The following LSAMP variants were observed in gnomAD, a reference collection of about 807,000 sequenced individuals.
The protein encoded by LSAMP is limbic system-associated membrane protein.
In LSAMP, 7 loss-of-function variants were observed where a neutral mutation model predicts 38.6. The observed-to-expected ratio is 0.18, with a 90% CI of 0.10 to 0.34. The LOEUF (loss-of-function observed/expected upper bound fraction) is 0.34. Ranked by LOEUF, LSAMP falls within the 10% of genes least tolerant of loss-of-function variation. The pLI, the probability that LSAMP is intolerant of heterozygous loss-of-function variation, is 1.00. For missense variants in LSAMP, 313 were observed against 420.0 expected, an observed-to-expected ratio of 0.75 and a Z score of 2.23; for synonymous variants, 154 against 166.8, an observed-to-expected ratio of 0.92 and a Z score of 0.59.
At chr3:115,838,673 T>C (rs979767005) in intron 6 of LSAMP, among the ~76,000 whole-genome samples, 1 of 152,202 alleles carries the variant, frequency 6.6e-6, no homozygotes, top group Non-Finnish European at 1.5e-5. Flanking sequence ...GAGAACTAGA[T>C]GAATGAGAAA....
intron 1 of LSAMP, among the ~76,000 whole-genome samples, chr3:116,297,181 G>C (rs1044456049): frequency 3.3e-5 from 5 of 152,152 alleles, no homozygotes; most frequent in African/African-American, 1.2e-4. Flanking sequence ...TTGAAAACAG[G>C]TGAAAGAGAG....
At chr3:116,091,362 A>C (rs1281963416) in intron 1 of LSAMP, among the ~76,000 whole-genome samples, 1 of 152,136 alleles carries the variant, frequency 6.6e-6, no homozygotes, top group East Asian at 1.9e-4. Context: ...CAGTTAATGC[A>C]ATTATTACAG....
chr3:116,189,914 A>G (rs1710712330), intron 1 of LSAMP, among the ~76,000 whole-genome samples: 1 of 152,196 alleles, frequency 6.6e-6, no homozygotes, highest in South Asian at 2.1e-4. Flanking sequence ...AACAAGCACG[A>G]GAGATTCAAA....
intron 3 of LSAMP, among the ~76,000 whole-genome samples, chr3:115,864,150 T>C (rs1244373821): frequency 6.6e-6 from 1 of 152,148 alleles, no homozygotes; most frequent in African/African-American, 2.4e-5. Flanking sequence ...AGAAGCACTT[T>C]GCCCATGATT....
At chr3:116,144,979 C>T (rs1709457106) in intron 1 of LSAMP, among the ~76,000 whole-genome samples, 1 of 151,820 alleles carries the variant, frequency 6.6e-6, no homozygotes, top group East Asian at 1.9e-4. Context: ...GTCTTCTGGT[C>T]TATATTGTTG....
chr3:116,429,652 A>G (rs1417289860), intron 1 of LSAMP, among the ~76,000 whole-genome samples: 3 of 152,198 alleles, frequency 2.0e-5, no homozygotes, highest in African/African-American at 7.2e-5. Flanking sequence ...TGTGGGAATC[A>G]GTAGAGAGAA....
chr3:116,002,605 G>C (rs944010355), intron 3 of LSAMP, among the ~76,000 whole-genome samples: 8 of 152,166 alleles, frequency 5.3e-5, no homozygotes, highest in Non-Finnish European at 7.3e-5. Context: ...TTAAGGTTAT[G>C]AGAGAGATAC....
At chr3:116,289,931 T>C (rs77597958) in intron 1 of LSAMP, among the ~76,000 whole-genome samples, 3,769 of 152,344 alleles carry the variant, frequency 0.025, 71 homozygotes, top group Middle Eastern at 0.051. Flanking sequence ...AAAGCAGCTG[T>C]ATGAACTAGT....
At chr3:116,428,043 C>T (rs1164486449) in intron 1 of LSAMP, among the ~76,000 whole-genome samples, 1 of 152,076 alleles carries the variant, frequency 6.6e-6, no homozygotes, top group African/African-American at 2.4e-5. Flanking sequence ...TGTATTTGTT[C>T]CCCATCTTTG....
rs80339282 is a variant in LSAMP, at chr3:116,211,782, G to C, written c.156-125226C>G. Among the ~76,000 whole-genome samples, 200 of 152,328 alleles carry C rather than the reference G, an allele frequency of 1.3e-3. 9 individuals are homozygous for C. In the East Asian group the frequency reaches 0.032, roughly 25 times the overall value. On this transcript the variant is annotated intron_variant, in intron 1 of 6. Transcript: ENST00000490035. ...AACAATGAAAAGTAATTTTGGGCCAGAATTTATCATCACAAAGGAAGAAAC... is the reference window on the plus strand; with the variant it reads ...AACAATGAAAAGTAATTTTGGGCCACAATTTATCATCACAAAGGAAGAAAC...
Position 116,317,225 on chromosome 3 carries a change from C to T in LSAMP, c.155+127652G>A, listed in dbSNP as rs373283415. Among the ~76,000 whole-genome samples, 14 of 152,232 alleles carry T rather than the reference C, an allele frequency of 9.2e-5. No homozygotes were observed. The East Asian group carries it at 1.7e-3, about 19-fold the overall frequency. On this transcript the variant is annotated intron_variant, in intron 1 of 6. Coordinates refer to ENST00000490035, the MANE Select transcript of LSAMP (RefSeq NM_002338.5). The stretch of plus-strand genomic sequence containing the variant: ...CTTGCTGCTGCTCACTGTCTAGGTT[C>T]GTGCCATCTTTAAGAGCTGTAACAC...
chr3:116,262,099 C>T (rs2046833990), intron 1 of LSAMP, among the ~76,000 whole-genome samples: 1 of 151,946 alleles, frequency 6.6e-6, no homozygotes, highest in South Asian at 2.1e-4. Flanking sequence ...ATTTTTCCAA[C>T]CCAAATTTGG....
At chr3:116,284,134 A>G (rs975520193) in intron 1 of LSAMP, among the ~76,000 whole-genome samples, 1 of 152,192 alleles carries the variant, frequency 6.6e-6, no homozygotes, top group Non-Finnish European at 1.5e-5. Flanking sequence ...TTCATAGTTT[A>G]TGACTTCTAA....
At chr3:116,090,922 G>A (rs535747424) in intron 1 of LSAMP, among the ~76,000 whole-genome samples, 5 of 152,224 alleles carry the variant, frequency 3.3e-5, no homozygotes, top group South Asian at 2.1e-4. Context: ...ATGAAGTTTC[G>A]GGCACCATTG....
chr3:116,191,526 G>A (rs1245222158), intron 1 of LSAMP, among the ~76,000 whole-genome samples: 1 of 152,042 alleles, frequency 6.6e-6, no homozygotes, highest in African/African-American at 2.4e-5. Context: ...AACCTTTCAG[G>A]GCATGAGACA....
At chr3:115,891,164 T>C (rs1936589321) in intron 3 of LSAMP, among the ~76,000 whole-genome samples, 1 of 151,990 alleles carries the variant, frequency 6.6e-6, no homozygotes, top group African/African-American at 2.4e-5. Flanking sequence ...CTCATTGTTG[T>C]GACATAATGT....
intron 1 of LSAMP, among the ~76,000 whole-genome samples, chr3:116,299,547 A>AAATT (rs1404685858): frequency 6.6e-6 from 1 of 152,218 alleles, no homozygotes; most frequent in Non-Finnish European, 1.5e-5. Context: ...ATACAAATAT[A>AAATT]AATTAGGCTT....
intron 1 of LSAMP, among the ~76,000 whole-genome samples, chr3:116,440,784 G>A (rs910940513): frequency 6.6e-6 from 1 of 152,142 alleles, no homozygotes; most frequent in Non-Finnish European, 1.5e-5. Flanking sequence ...AACAAATTTT[G>A]ATAACATTTA....
intron 1 of LSAMP, among the ~76,000 whole-genome samples, chr3:116,186,312 T>A (rs1442611771): frequency 6.6e-6 from 1 of 152,154 alleles, no homozygotes; most frequent in Admixed American, 6.5e-5. Flanking sequence ...ACCAATGCCA[T>A]CTCCTCTTGC....
Sources: gnomAD v4.1 joint callset for allele counts (sites outside exome capture counted in the v4.1 genomes callset) on GRCh38, gnomAD v4.1.1 for gene constraint, MANE v1.5 for transcripts, NCBI Gene and HGNC (gene_info 2026-07-23, HGNC 2026-07-21) for gene names.